Variants in TYW1B observed in about 807,000 individuals in gnomAD.
TYW1B encodes S-adenosyl-L-methionine-dependent tRNA 4-demethylwyosine synthase TYW1B.
TYW1B carries 73 observed loss-of-function variants against 86.9 expected under a neutral mutation model. That is an observed-to-expected ratio of 0.84 (90% CI 0.70 to 1.02). The LOEUF is 1.02. TYW1B is among the 50% of genes least tolerant of loss of function. TYW1B has a pLI of 0.00. For missense variants in TYW1B, 637 were observed against 827.4 expected (o/e 0.77, Z 2.82); for synonymous variants, 248 against 292.8 (o/e 0.85, Z 1.56).
chr7:72,655,458 G>A (rs1813178641), intron 11 of TYW1B, among the ~76,000 whole-genome samples: 1 of 152,120 alleles, frequency 6.6e-6, no homozygotes, highest in African/African-American at 2.4e-5. Flanking sequence ...CTGCCCTGGA[G>A]CCCAATAGCC....
chr7:72,633,092 A>G (rs1585863950), intron 11 of TYW1B, among the ~76,000 whole-genome samples: 1 of 152,276 alleles, frequency 6.6e-6, no homozygotes, highest in South Asian at 2.1e-4. Flanking sequence ...CACTCCCACC[A>G]GGGCCATGAC....
At chr7:72,825,351 C>T (rs1248594804) in intron 2 of TYW1B, among the ~76,000 whole-genome samples, 1 of 152,156 alleles carries the variant, frequency 6.6e-6, no homozygotes, top group Non-Finnish European at 1.5e-5. Flanking sequence ...ACTTTTAGCA[C>T]TATTAGAAAT....
intron 10 of TYW1B, among the ~76,000 whole-genome samples, chr7:72,698,422 A>C (rs1469995216): frequency 6.6e-6 from 1 of 152,168 alleles, no homozygotes; most frequent in Non-Finnish European, 1.5e-5. Flanking sequence ...AGGCAGGAGG[A>C]TCACCTGAGG....
intron 10 of TYW1B, among the ~76,000 whole-genome samples, chr7:72,700,155 C>CTTTTTTTTTTTTTTTTTTT (rs587689485): frequency 1.3e-5 from 1 of 74,208 alleles, no homozygotes. Flanking sequence ...AGCTTTTACA[C>CTTTTTTTTTTTTTTTTTTT]TTTTTTTTTT....
chr7:72,687,126 A>G (rs1392577370), intron 11 of TYW1B, among the ~76,000 whole-genome samples: 21 of 152,296 alleles, frequency 1.4e-4, no homozygotes, highest in Non-Finnish European at 2.6e-4. Flanking sequence ...TTATCAAGCA[A>G]TATTAAGAGT....
intron 6 of TYW1B, among the ~76,000 whole-genome samples, chr7:72,800,338 C>T (rs572662382): frequency 6.6e-6 from 1 of 152,158 alleles, no homozygotes; most frequent in African/African-American, 2.4e-5. Context: ...GTTGTGACTA[C>T]GGGCACATGC....
At chr7:72,614,368 C>T (rs2129568364) in intron 13 of TYW1B, among the ~76,000 whole-genome samples, 1 of 152,248 alleles carries the variant, frequency 6.6e-6, no homozygotes, top group East Asian at 1.9e-4. Flanking sequence ...CATGGTGGCC[C>T]ATGCCTGTAA....
At chr7:72,676,951 C>G (rs1481387691) in intron 11 of TYW1B, among the ~76,000 whole-genome samples, 1 of 151,566 alleles carries the variant, frequency 6.6e-6, no homozygotes. Flanking sequence ...GAGCGAGAGA[C>G]TGTCTCAAAA....
At chr7:72,584,680 T>C (rs1380036664) in intron 13 of TYW1B, among the ~76,000 whole-genome samples, 1 of 152,150 alleles carries the variant, frequency 6.6e-6, no homozygotes, top group Admixed American at 6.6e-5. Context: ...GGTCTCGAAC[T>C]CCTGACCTCA....
chr7:72,804,832 C>CA (rs529896623), intron 5 of TYW1B, among the ~76,000 whole-genome samples: 4 of 151,726 alleles, frequency 2.6e-5, no homozygotes, highest in African/African-American at 7.3e-5. Flanking sequence ...TAGCCCGTCT[C>CA]AAAAAAAACA....
chr7:72,747,746 C>T (rs1384579594), intron 7 of TYW1B, among the ~76,000 whole-genome samples: 2 of 152,168 alleles, frequency 1.3e-5, no homozygotes, highest in Non-Finnish European at 2.9e-5. Flanking sequence ...TGCATTCAAC[C>T]TACAGAATCA....
At chr7:72,657,715 CA>C (rs1813237334) in intron 11 of TYW1B, among the ~76,000 whole-genome samples, 1 of 152,142 alleles carries the variant, frequency 6.6e-6, no homozygotes, top group Non-Finnish European at 1.5e-5. Flanking sequence ...AACTGCTTAT[CA>C]AAAATACTAC....
intron 7 of TYW1B, among the ~76,000 whole-genome samples, chr7:72,745,575 T>A (rs1249878151): frequency 1.3e-5 from 2 of 151,914 alleles, no homozygotes; most frequent in African/African-American, 4.8e-5. Context: ...CTGGGTAAGA[T>A]GAGCTTGATT....
At chr7:72,581,428 A>G (rs1811148198) in intron 13 of TYW1B, among the ~76,000 whole-genome samples, 1 of 152,200 alleles carries the variant, frequency 6.6e-6, no homozygotes, top group Non-Finnish European at 1.5e-5. Context: ...GCCCCATACC[A>G]TAAGGGTGCT....
At chr7:72,685,112 GAAAA>G (rs782187369) in intron 11 of TYW1B, among the ~76,000 whole-genome samples, 1 of 98,746 alleles carries the variant, frequency 1.0e-5, no homozygotes, top group Non-Finnish European at 2.1e-5. Flanking sequence ...ACTCAATCTC[GAAAA>G]AAAAAAAAAA....
At chr7:72,582,197 T>C (rs1425996333) in intron 13 of TYW1B, among the ~76,000 whole-genome samples, 1 of 151,508 alleles carries the variant, frequency 6.6e-6, no homozygotes, top group Non-Finnish European at 1.5e-5. Flanking sequence ...TTCGTTGAAA[T>C]AATTCTGGAA....
At chr7:72,726,736 A>T (rs1242173201) in intron 9 of TYW1B, among the ~76,000 whole-genome samples, 2 of 152,148 alleles carry the variant, frequency 1.3e-5, no homozygotes, top group Admixed American at 6.6e-5. Flanking sequence ...TCCATTTCTC[A>T]TAAGAATGAG....
Position 72,712,197 on chromosome 7 carries a change from C to T in TYW1B, c.1370+1424G>A, listed in dbSNP as rs551365775. On this transcript the variant is annotated intron_variant, in intron 10 of 13. Coordinates refer to ENST00000620995, the MANE Select transcript of TYW1B (RefSeq NM_001145440.3). The stretch of plus-strand genomic sequence containing the variant: ...CCTGACCCTTCCTTACAAGAGCCCT[C>T]TGCTGTTATGGGGCCCCATAATCCT... Among the ~76,000 whole-genome samples, 8 of 152,220 alleles carry T rather than the reference C, an allele frequency of 5.3e-5. No homozygotes were observed. In the South Asian group the frequency reaches 1.7e-3, roughly 32 times the overall value.
At chr7:72,642,625 G>A (rs1455410119) in intron 11 of TYW1B, among the ~76,000 whole-genome samples, 2 of 152,222 alleles carry the variant, frequency 1.3e-5, no homozygotes, top group African/African-American at 4.8e-5. Flanking sequence ...GTTCTAGGCT[G>A]GGCGCAGTGG....
Sources: gnomAD v4.1 joint callset for allele counts (sites outside exome capture counted in the v4.1 genomes callset) on GRCh38, gnomAD v4.1.1 for gene constraint, MANE v1.5 for transcripts, NCBI Gene and HGNC (gene_info 2026-07-23, HGNC 2026-07-21) for gene names.